Variants in ADAM22 observed in about 807,000 individuals in gnomAD.
ADAM22 encodes the protein ADAM metallopeptidase domain 22.
A neutral mutation model predicts 144.6 loss-of-function variants in ADAM22; 65 were observed. The observed-to-expected ratio is 0.45, with a 90% CI of 0.37 to 0.55. ADAM22 has a LOEUF of 0.55. Among genes scored for constraint, ADAM22 ranks in the 20% least tolerant of loss-of-function variants. The pLI, the probability that ADAM22 is intolerant of heterozygous loss-of-function variation, is 0.00. For synonymous variants in ADAM22, 391 were observed against 412.6 expected (o/e 0.95, Z 0.63); for missense variants, 974 against 1,184.9 (o/e 0.82, Z 2.61).
At chr7:88,118,627 A>C (rs2129491589) in intron 7 of ADAM22, among the ~76,000 whole-genome samples, 1 of 136,022 alleles carries the variant, frequency 7.4e-6, no homozygotes, top group African/African-American at 2.5e-5. Context: ...GCTTGCTAGG[A>C]TATAACCTTA....
chr7:87,956,845 C>T (rs1481863688), intron 2 of ADAM22, among the ~76,000 whole-genome samples: 1 of 152,098 alleles, frequency 6.6e-6, no homozygotes, highest in East Asian at 1.9e-4. Flanking sequence ...TATTTCCATT[C>T]TTTGGCTATT....
intron 2 of ADAM22, among the ~76,000 whole-genome samples, chr7:87,951,488 C>G (rs540553261): frequency 1.1e-5 from 1 of 90,292 alleles, no homozygotes; most frequent in African/African-American, 6.4e-5. Flanking sequence ...CTGTTCTGTT[C>G]CATTGATCTA....
intron 3 of ADAM22, among the ~76,000 whole-genome samples, chr7:88,001,259 A>T (rs1792485090): frequency 6.6e-6 from 1 of 152,232 alleles, no homozygotes; most frequent in African/African-American, 2.4e-5. Context: ...TGGAAATAGC[A>T]CCCAATTCTA....
Position 88,113,703 on chromosome 7 carries a change from A to AATAAATATATATATAT in ADAM22, c.474-878_474-877insAATATATATATATATA, listed in dbSNP as rs1554478726. On this transcript the variant is annotated intron_variant, in intron 5 of 31. Coordinates refer to ENST00000413139, the MANE Select transcript of ADAM22 (RefSeq NM_001324418.2). ...TATATATATTATAAATAAATAAATA[A>AATAAATATATATATAT]ATATATATATATATATATATATATA... 3.7e-3 allele frequency among the ~76,000 whole-genome samples: 180 copies of AATAAATATATATATAT among 48,050 alleles called. 5 individuals are homozygous for AATAAATATATATATAT. Among genetic ancestry groups the AATAAATATATATATAT allele is most frequent in the South Asian group, 6.1e-3 (5 of 822 alleles). 31.5% of individuals were successfully genotyped at this position (48,050 alleles called of 152,430 possible).
chr7:88,025,305 T>G (rs1480801274), intron 3 of ADAM22, among the ~76,000 whole-genome samples: 2 of 152,236 alleles, frequency 1.3e-5, no homozygotes, highest in Non-Finnish European at 2.9e-5. Flanking sequence ...TTGCAAATAT[T>G]TTTTCCCATT....
At chr7:88,164,876 G>A (rs957425235) in intron 23 of ADAM22, among the ~76,000 whole-genome samples, 1 of 152,058 alleles carries the variant, frequency 6.6e-6, no homozygotes, top group African/African-American at 2.4e-5. Context: ...CAGGCGACCT[G>A]ATTAAGGTCC....
intron 3 of ADAM22, among the ~76,000 whole-genome samples, chr7:88,041,119 G>A (rs1803017287): frequency 6.6e-6 from 1 of 151,984 alleles, no homozygotes; most frequent in South Asian, 2.1e-4. Context: ...AAAGTCAGCT[G>A]ATAAAGGACC....
Position 88,145,452 on chromosome 7 carries a change from G to C in ADAM22, c.1430G>C (p.Cys477Ser). ...VLEGAECCKK[C>S]TLTQDSQCSD... ...GAAGGAGCAGAGTGTTGTAAGAAAT[G>C]CACCTTGACTCAAGACTCTCAATGC... Residue 477 changes from cysteine to serine, a missense_variant, in exon 17 of 32, where the codon TGC becomes TCC. Cys to Ser is a moderately radical substitution (Grantham distance 112, BLOSUM62 -1). Transcript: ENST00000413139. 6.2e-7 allele frequency: 1 copy of C among 1,613,750 alleles called. No individual in the cohort carries two copies. Among genetic ancestry groups the C allele is most frequent in the Non-Finnish European group, 8.5e-7 (1 of 1,179,734 alleles).
chr7:88,013,652 C>T (rs760328511), intron 3 of ADAM22, among the ~76,000 whole-genome samples: 34 of 152,114 alleles, frequency 2.2e-4, no homozygotes, highest in Admixed American at 5.2e-4. Context: ...TGGTCTCAAA[C>T]TCTTGGCCTC....
intron 3 of ADAM22, among the ~76,000 whole-genome samples, chr7:87,981,741 T>C (rs1419493396): frequency 6.6e-6 from 1 of 151,950 alleles, no homozygotes; most frequent in Non-Finnish European, 1.5e-5. Context: ...AAAGACAGGA[T>C]CTGAATTCAA....
At chr7:88,008,567 G>T (rs1423984450) in intron 3 of ADAM22, among the ~76,000 whole-genome samples, 2 of 151,948 alleles carry the variant, frequency 1.3e-5, no homozygotes, top group Non-Finnish European at 2.9e-5. Context: ...ATACTATGCA[G>T]CCATAAAAAA....
intron 15 of ADAM22, among the ~76,000 whole-genome samples, chr7:88,143,486 T>C (rs1835412935): frequency 6.6e-6 from 1 of 152,140 alleles, no homozygotes; most frequent in Non-Finnish European, 1.5e-5. Context: ...CTCATACAGG[T>C]AGAAGGTGGG....
intron 3 of ADAM22, among the ~76,000 whole-genome samples, chr7:88,006,472 C>G (rs1190223841): frequency 1.3e-5 from 2 of 152,094 alleles, no homozygotes; most frequent in Non-Finnish European, 2.9e-5. Context: ...AGACCAATAT[C>G]CTTGATGAAC....
chr7:88,078,266 T>C (rs1372864888), intron 4 of ADAM22, among the ~76,000 whole-genome samples: 1 of 152,002 alleles, frequency 6.6e-6, no homozygotes, highest in Non-Finnish European at 1.5e-5. Context: ...TCCAGTAAAC[T>C]CCAACAGACC....
intron 3 of ADAM22, among the ~76,000 whole-genome samples, chr7:88,063,157 C>G (rs1195692405): frequency 1.3e-5 from 2 of 151,998 alleles, no homozygotes; most frequent in Admixed American, 6.6e-5. Context: ...ACAACAATAG[C>G]AATAACAAGA....
chr7:88,040,883 G>A (rs907713389), intron 3 of ADAM22, among the ~76,000 whole-genome samples: 1 of 152,052 alleles, frequency 6.6e-6, no homozygotes, highest in East Asian at 1.9e-4. Flanking sequence ...CTTGTGGCTC[G>A]ATGACTAAGG....
At chr7:87,963,500 A>G (rs1404121379) in intron 2 of ADAM22, among the ~76,000 whole-genome samples, 1 of 152,196 alleles carries the variant, frequency 6.6e-6, no homozygotes, top group Non-Finnish European at 1.5e-5. Context: ...TTTCCTTTGT[A>G]AAAAAGAATC....
intron 31 of ADAM22, among the ~76,000 whole-genome samples, chr7:88,193,592 A>G (rs1850074224): frequency 1.3e-5 from 2 of 152,222 alleles, no homozygotes; most frequent in African/African-American, 4.8e-5. Context: ...ACATATCAGT[A>G]TGTGAAATTC....
At chr7:88,062,807 G>T (rs746991790) in intron 3 of ADAM22, among the ~76,000 whole-genome samples, 23 of 152,122 alleles carry the variant, frequency 1.5e-4, no homozygotes, top group Non-Finnish European at 5.9e-5. Flanking sequence ...GTTATTAATT[G>T]ACCTAATTTC....
Sources: allele counts gnomAD v4.1 joint callset (sites outside exome capture counted in the v4.1 genomes callset), GRCh38; gene constraint gnomAD v4.1.1; transcripts MANE v1.5; gene names NCBI Gene and HGNC (gene_info 2026-07-23, HGNC 2026-07-21).